The following CRYZ variants were observed in gnomAD, a reference collection of about 807,000 sequenced individuals.
CRYZ encodes zeta-crystallin.
In CRYZ, 35 loss-of-function variants were observed where a neutral mutation model predicts 34.1. That is an observed-to-expected ratio of 1.03 (90% CI 0.78 to 1.36). The LOEUF is 1.36. Among genes scored for constraint, CRYZ ranks in the 40% most tolerant of loss-of-function variants. The pLI, the probability that CRYZ is intolerant of heterozygous loss-of-function variation, is 0.00. For missense variants in CRYZ, 403 were observed against 391.8 expected (o/e 1.03, Z -0.24); for synonymous variants, 137 against 136.5 (o/e 1.00, Z -0.03).
chr1:74,724,918 AC>A, intron 1 of CRYZ, 84 bp from the exon 2 acceptor site: 3 of 713,694 alleles, frequency 4.2e-6, no homozygotes, highest in South Asian at 3.8e-5. Context: ...AGCAGATCAA[AC>A]AATTTTTTCA....
intron 2 of CRYZ, among the ~76,000 whole-genome samples, chr1:74,723,864 C>A (rs1276884753): frequency 6.6e-6 from 1 of 152,182 alleles, no homozygotes; most frequent in East Asian, 1.9e-4. Context: ...TTGTCCATGG[C>A]TGGACTATTG....
chr1:74,719,807 A>C (rs925857798), intron 3 of CRYZ, among the ~76,000 whole-genome samples: 2 of 152,058 alleles, frequency 1.3e-5, no homozygotes, highest in African/African-American at 4.8e-5. Flanking sequence ...AATCATTTTA[A>C]AATACTTCAC....
chr1:74,727,479 A>T (rs1197421417), intron 1 of CRYZ, among the ~76,000 whole-genome samples: 1 of 148,514 alleles, frequency 6.7e-6, no homozygotes, highest in Non-Finnish European at 1.5e-5. Context: ...AAAAAAAAAA[A>T]AAATTAGCCG....
At position 74,705,911 on chromosome 1, in the gene CRYZ, C is replaced by A. The variant is rs927210716; in HGVS notation, c.*385G>T. 13 of 157,940 alleles carry A rather than the reference C, an allele frequency of 8.2e-5. No homozygotes were observed. Among genetic ancestry groups the A allele is most frequent in the Non-Finnish European group, 1.7e-4 (12 of 71,926 alleles). 9.8% of individuals were successfully genotyped at this position (157,940 alleles called of 1,614,324 possible). On this transcript the variant is annotated 3_prime_UTR_variant, in exon 9 of 9. Transcript: ENST00000340866. The stretch of plus-strand genomic sequence containing the variant: ...CAATACAGTCATGGCTAATCAGAGA[C>A]TAGAGAACCTTTATAAAGGTAAGTA...
chr1:74,714,702 T>G, intron 4 of CRYZ, 72 bp from the exon 5 acceptor site: 2 of 1,529,650 alleles, frequency 1.3e-6, no homozygotes, highest in Non-Finnish European at 1.8e-6. Flanking sequence ...TTCATCATCT[T>G]AAGGAATTTC....
At chr1:74,728,677 G>T (rs192723738) in intron 1 of CRYZ, among the ~76,000 whole-genome samples, 2 of 152,302 alleles carry the variant, frequency 1.3e-5, no homozygotes, top group East Asian at 3.9e-4. Flanking sequence ...CTGGGGCAAG[G>T]GGTGGAATCA....
intron 8 of CRYZ, 29 bp downstream of exon 8, chr1:74,706,870 A>C: frequency 6.3e-7 from 1 of 1,586,200 alleles, no homozygotes; most frequent in Non-Finnish European, 8.7e-7. Flanking sequence ...TGTTTAAGTT[A>C]CCAAAATCAG....
chr1:74,714,685 G>A (rs965220561), intron 4 of CRYZ, 55 bp from the exon 5 acceptor site: 23 of 1,586,050 alleles, frequency 1.5e-5, no homozygotes, highest in South Asian at 5.6e-5. Context: ...AATTAATCTC[G>A]GGTGTTTTCA....
At chr1:74,714,911 T>C (rs2100704357) in intron 4 of CRYZ, among the ~76,000 whole-genome samples, 1 of 152,300 alleles carries the variant, frequency 6.6e-6, no homozygotes, top group South Asian at 2.1e-4. Flanking sequence ...TCTGAGTGGC[T>C]ACAGTCCTTG....
chr1:74,722,571 T>TTAG lies in CRYZ; in HGVS notation c.264+546_264+547insCTA, dbSNP rs543136497. ...TGAGGAAAGATGCTAGGACATGAGCTTACTATGAATATGTCTTTGGGCATA... is the reference window on the plus strand; with the variant it reads ...TGAGGAAAGATGCTAGGACATGAGCTTAGTACTATGAATATGTCTTTGGGCATA... On this transcript the variant is annotated intron_variant, in intron 3 of 8. Coordinates refer to ENST00000340866, the MANE Select transcript of CRYZ (RefSeq NM_001889.4). Among the ~76,000 whole-genome samples the TTAG allele has an allele frequency of 2.0e-3, 297 of 150,550 alleles. 2 individuals are homozygous for TTAG. The highest frequency in any genetic ancestry group is 6.9e-3 in the African/African-American group (285 of 41,066).
intron 1 of CRYZ, among the ~76,000 whole-genome samples, chr1:74,728,377 T>C (rs1331363688): frequency 6.6e-6 from 1 of 152,222 alleles, no homozygotes; most frequent in Non-Finnish European, 1.5e-5. Flanking sequence ...TATATAATCT[T>C]AGAAAAATTT....
chr1:74,719,292 G>T lies in CRYZ; in HGVS notation c.345C>A (p.Tyr115Ter). ...TAAAGTCCAGTTTTTCAGGTAGTTT[G>T]TAAACAGTGTGGTCTGCTGCAAGAG... is the stretch of plus-strand genomic sequence containing the variant. ...EYALAADHTV[Y>*]KLPEKLDFKQ... Residue 115 changes from tyrosine to a stop codon, truncating the protein, a stop_gained, in exon 4 of 9, where the codon TAC becomes TAA. Coordinates refer to ENST00000340866, the MANE Select transcript of CRYZ (RefSeq NM_001889.4). LOFTEE classifies it high-confidence loss of function. The T allele has an allele frequency of 1.2e-6, 2 of 1,613,898 alleles. No homozygotes were observed. The highest frequency in any genetic ancestry group is 1.7e-6 in the Non-Finnish European group (2 of 1,179,800).
chr1:74,721,472 T>C (rs1647162706), intron 3 of CRYZ, among the ~76,000 whole-genome samples: 1 of 152,128 alleles, frequency 6.6e-6, no homozygotes, highest in Admixed American at 6.6e-5. Flanking sequence ...CTACAAGACA[T>C]GGATGCAAGA....
At chr1:74,712,404 G>T (rs1419796627) in intron 5 of CRYZ, among the ~76,000 whole-genome samples, 1 of 152,172 alleles carries the variant, frequency 6.6e-6, no homozygotes, top group East Asian at 1.9e-4. Context: ...AAGGAGAAAT[G>T]ATGCAAAATC....
At chr1:74,708,396 A>C (rs1345757159) in intron 6 of CRYZ, 3 of 152,150 alleles carry the variant, frequency 2.0e-5, no homozygotes, top group Non-Finnish European at 2.9e-5. Context: ...CTCCTCATAA[A>C]GCTTCCATTT....
chr1:74,716,197 CGT>C (rs946657951), intron 4 of CRYZ, among the ~76,000 whole-genome samples: 37 of 150,456 alleles, frequency 2.5e-4, no homozygotes, highest in African/African-American at 6.8e-4. Flanking sequence ...TCTGTGTGCG[CGT>C]GTGTGTGTGT....
At chr1:74,730,430 G>A (rs1440473994) in intron 1 of CRYZ, 1 of 152,114 alleles carries the variant, frequency 6.6e-6, no homozygotes, top group Non-Finnish European at 1.5e-5. Flanking sequence ...CCTGTCAAAG[G>A]AGATTACACA....
intron 1 of CRYZ, among the ~76,000 whole-genome samples, chr1:74,729,443 G>A (rs1175969806): frequency 6.9e-6 from 1 of 145,796 alleles, no homozygotes; most frequent in Non-Finnish European, 1.5e-5. Context: ...GGAGATCAAG[G>A]CCAGCCTTGG....
intron 1 of CRYZ, among the ~76,000 whole-genome samples, chr1:74,729,451 T>G (rs699803): frequency 1 from 148,046 of 148,590 alleles, 73,756 homozygotes; most frequent in East Asian, 1. Flanking sequence ...AGGCCAGCCT[T>G]GGCAACATGG....
Sources: allele counts gnomAD v4.1 joint callset (sites outside exome capture counted in the v4.1 genomes callset), GRCh38; gene constraint gnomAD v4.1.1; transcripts MANE v1.5; gene names NCBI Gene and HGNC (gene_info 2026-07-23, HGNC 2026-07-21).